Variants in PTPRT observed in about 807,000 individuals in gnomAD.
PTPRT encodes protein tyrosine phosphatase receptor type T.
PTPRT carries 56 observed loss-of-function variants against 176.8 expected under a neutral mutation model. The ratio of observed to expected loss-of-function variants is 0.32; its 90% CI spans 0.26 to 0.40. The LOEUF (loss-of-function observed/expected upper bound fraction) is 0.40. Among genes scored for constraint, PTPRT ranks in the 10% least tolerant of loss-of-function variants. The pLI is 1.00. For missense variants in PTPRT, 1,540 were observed against 1,908.2 expected (o/e 0.81, Z 3.60); for synonymous variants, 783 against 739.0 (o/e 1.06, Z -0.96).
rs150481679 is a variant in PTPRT at position 42,642,400 on chromosome 20, A to G, written c.1153+35466T>C. ...AGAGTTATGGACCTCCCTGAGTCTC[A>G]GTGACTTATTTGTTAAATGGAGATA... On this transcript the variant is annotated intron_variant, in intron 7 of 30. Coordinates refer to ENST00000373187, the MANE Select transcript of PTPRT (RefSeq NM_007050.6). Among the ~76,000 whole-genome samples, 11 of 152,328 alleles carry G rather than the reference A, an allele frequency of 7.2e-5. No individual in the cohort carries two copies. The East Asian group carries it at 2.1e-3, about 29-fold the overall frequency.
At chr20:42,256,251 C>G (rs2056636734) in intron 13 of PTPRT, among the ~76,000 whole-genome samples, 1 of 152,156 alleles carries the variant, frequency 6.6e-6, no homozygotes. Flanking sequence ...GAAACAAATT[C>G]TCAGAATAGC....
intron 9 of PTPRT, among the ~76,000 whole-genome samples, chr20:42,444,166 C>A (rs1043191202): frequency 6.6e-6 from 1 of 152,198 alleles, no homozygotes; most frequent in African/African-American, 2.4e-5. Context: ...CTCCGGTCTC[C>A]TTTTTACTAC....
At chr20:43,060,149 C>T (rs13043077) in intron 1 of PTPRT, among the ~76,000 whole-genome samples, 1 of 152,096 alleles carries the variant, frequency 6.6e-6, no homozygotes, top group Non-Finnish European at 1.5e-5. Flanking sequence ...AGGAGCACCC[C>T]CATTTCTCGG....
intron 2 of PTPRT, among the ~76,000 whole-genome samples, chr20:42,834,311 A>G (rs2425541): frequency 0.082 from 12,521 of 152,208 alleles, 637 homozygotes; most frequent in Admixed American, 0.15. Flanking sequence ...ACACAACTGC[A>G]CATTTTGTTA....
intron 1 of PTPRT, among the ~76,000 whole-genome samples, chr20:43,007,919 A>G (rs1000305532): frequency 6.6e-6 from 1 of 152,182 alleles, no homozygotes; most frequent in Non-Finnish European, 1.5e-5. Context: ...GAAGCAATAG[A>G]ACCCTCTATG....
At chr20:42,605,986 G>T (rs1159797325) in intron 7 of PTPRT, among the ~76,000 whole-genome samples, 8 of 152,234 alleles carry the variant, frequency 5.3e-5, no homozygotes, top group Non-Finnish European at 8.8e-5. Flanking sequence ...TCAAAGTGTG[G>T]TTGGTGGACT....
At chr20:43,023,626 A>G (rs948029170) in intron 1 of PTPRT, among the ~76,000 whole-genome samples, 1 of 152,116 alleles carries the variant, frequency 6.6e-6, no homozygotes, top group Admixed American at 6.6e-5. Flanking sequence ...TATCTGTTCA[A>G]TGTTTAGAGA....
At chr20:43,053,783 C>T (rs150196293) in intron 1 of PTPRT, among the ~76,000 whole-genome samples, 74 of 152,316 alleles carry the variant, frequency 4.9e-4, no homozygotes, top group Admixed American at 1.2e-3. Context: ...TGTATCTGCT[C>T]ACCGCTATAA....
intron 1 of PTPRT, among the ~76,000 whole-genome samples, chr20:42,931,727 A>G (rs1267024008): frequency 6.6e-6 from 1 of 152,218 alleles, no homozygotes; most frequent in African/African-American, 2.4e-5. Flanking sequence ...GAGAGGACAC[A>G]GCGTAGGCGC....
At chr20:42,729,464 A>G (rs1337492760) in intron 6 of PTPRT, among the ~76,000 whole-genome samples, 2 of 152,234 alleles carry the variant, frequency 1.3e-5, no homozygotes, top group African/African-American at 4.8e-5. Context: ...CAATAGGGGA[A>G]GAACAGGACT....
chr20:42,243,111 C>CAG lies in PTPRT; in HGVS notation c.2312+5574_2312+5575dup, dbSNP rs375980354. ...AGACAGAGAGACAGAGACAGAGAGA[C>CAG]AGAGAGAGAGAGAATGAGACCAAGA... On this transcript the variant is annotated intron_variant, in intron 14 of 30. Coordinates refer to ENST00000373187, the MANE Select transcript of PTPRT (RefSeq NM_007050.6). 1.3e-5 allele frequency among the ~76,000 whole-genome samples: 2 copies of CAG among 150,754 alleles called. 1 individual carries two copies. The highest frequency in any genetic ancestry group is 1.3e-4 in the Admixed American group (2 of 15,156).
chr20:43,098,090 G>C (rs2146319970), intron 1 of PTPRT, among the ~76,000 whole-genome samples: 1 of 152,320 alleles, frequency 6.6e-6, no homozygotes, highest in African/African-American at 2.4e-5. Flanking sequence ...ACTCTGAGTA[G>C]AGAAACAGAG....
At chr20:42,236,203 A>G in intron 15 of PTPRT, 26 bp downstream of exon 15, 3 of 1,578,346 alleles carry the variant, frequency 1.9e-6, no homozygotes, top group Non-Finnish European at 2.6e-6. Flanking sequence ...GGCACGAAGC[A>G]AAGTTAACAC....
At chr20:42,089,431 G>A (rs1250906151) in intron 27 of PTPRT, among the ~76,000 whole-genome samples, 3 of 152,178 alleles carry the variant, frequency 2.0e-5, no homozygotes, top group African/African-American at 7.2e-5. Flanking sequence ...TATCAGGGAA[G>A]TCCTATTATC....
intron 17 of PTPRT, among the ~76,000 whole-genome samples, chr20:42,158,359 A>C (rs1023602548): frequency 2.0e-5 from 3 of 152,206 alleles, no homozygotes; most frequent in Admixed American, 6.5e-5. Flanking sequence ...TTTACTGAAC[A>C]AATTTTAAGT....
At chr20:42,327,244 C>T (rs1008686204) in intron 11 of PTPRT, among the ~76,000 whole-genome samples, 1 of 152,036 alleles carries the variant, frequency 6.6e-6, no homozygotes, top group East Asian at 1.9e-4. Flanking sequence ...AAATTTAAGA[C>T]CTCGCTACAT....
chr20:42,469,561 A>C (rs2071158182), intron 8 of PTPRT, among the ~76,000 whole-genome samples: 2 of 152,208 alleles, frequency 1.3e-5, no homozygotes, highest in Non-Finnish European at 2.9e-5. Context: ...CAACTTGTCC[A>C]GGCATGCTTG....
At chr20:42,694,489 T>C (rs78335324) in intron 6 of PTPRT, among the ~76,000 whole-genome samples, 4,403 of 152,328 alleles carry the variant, frequency 0.029, 241 homozygotes, top group African/African-American at 0.1. Flanking sequence ...TTTTTGCTAT[T>C]AAAATAAAAC....
At chr20:42,611,205 C>T (rs6102943) in intron 7 of PTPRT, among the ~76,000 whole-genome samples, 18,183 of 152,216 alleles carry the variant, frequency 0.12, 2,694 homozygotes, top group African/African-American at 0.35. Context: ...AATTGCTGAG[C>T]ATGGAACTGT....
Sources: gnomAD v4.1 joint callset for allele counts (sites outside exome capture counted in the v4.1 genomes callset) on GRCh38, gnomAD v4.1.1 for gene constraint, MANE v1.5 for transcripts, NCBI Gene and HGNC (gene_info 2026-07-23, HGNC 2026-07-21) for gene names.